Variants in KMT2C observed in about 807,000 individuals in gnomAD.
The protein encoded by KMT2C is histone-lysine N-methyltransferase 2C.
Under a neutral mutation model 507.9 loss-of-function variants are expected in KMT2C, and 88 were observed. The ratio of observed to expected loss-of-function variants is 0.17; its 90% CI spans 0.15 to 0.21. KMT2C has a LOEUF of 0.21. Ranked by LOEUF, KMT2C falls within the 10% of genes least tolerant of loss-of-function variation. The pLI, the probability that KMT2C is intolerant of heterozygous loss-of-function variation, is 1.00. For synonymous variants in KMT2C, 2,049 were observed against 2,080.8 expected, an observed-to-expected ratio of 0.98 and a Z score of 0.42; for missense variants, 4,954 against 5,957.8, an observed-to-expected ratio of 0.83 and a Z score of 5.55.
At position 152,178,971 on chromosome 7, in the gene KMT2C, G is replaced by A. The variant is rs548426422; in HGVS notation, c.7442+863C>T. Among the ~76,000 whole-genome samples the A allele has an allele frequency of 7.2e-5, 11 of 152,114 alleles. No homozygotes were observed. In the South Asian group the frequency reaches 1.7e-3, roughly 23 times the overall value. ...CCTAAAGGGAAAGTCCTTTCAGTTC[G>A]GAAATCTCTAAAATTTATTATTATT... On this transcript the variant is annotated intron_variant, in intron 37 of 58. Transcript: ENST00000262189.
At chr7:152,168,004 G>C (rs930313810) in intron 41 of KMT2C, among the ~76,000 whole-genome samples, 1 of 152,142 alleles carries the variant, frequency 6.6e-6, no homozygotes, top group Non-Finnish European at 1.5e-5. Context: ...AATAAGGGGA[G>C]GGAATAGTTA....
At chr7:152,236,013 C>T in intron 15 of KMT2C, 80 bp from the exon 16 acceptor site, 1 of 792,390 alleles carries the variant, frequency 1.3e-6, no homozygotes, top group Non-Finnish European at 2.1e-6. Flanking sequence ...TGAGATAAAA[C>T]ATTTTATTAA....
chr7:152,201,625 A>G lies in KMT2C; in HGVS notation c.4092+1309T>C, dbSNP rs1219156133. Reference sequence around the variant, plus strand: ...AAAACAACAACAAAGATGAAAAAAAAAAAAAAAAAAAAAAAAAAGGTAAGC... The same window carrying G: ...AAAACAACAACAAAGATGAAAAAAAGAAAAAAAAAAAAAAAAAAGGTAAGC... On this transcript the variant is annotated intron_variant, in intron 26 of 58. Transcript: ENST00000262189. Among the ~76,000 whole-genome samples, 203 of 131,988 alleles carry G rather than the reference A, an allele frequency of 1.5e-3. 1 individual carries two copies. Among genetic ancestry groups the G allele is most frequent in the African/African-American group, 6.5e-3 (198 of 30,568 alleles). The allele number at this position is 131,988 out of a possible 152,430, so 86.6% of individuals were successfully genotyped here.
intron 6 of KMT2C, among the ~76,000 whole-genome samples, chr7:152,295,331 G>C (rs1239675120): frequency 1.3e-5 from 2 of 152,076 alleles, no homozygotes; most frequent in Non-Finnish European, 2.9e-5. Context: ...TCCTCATCTT[G>C]GTATGCAAAG....
At chr7:152,304,718 T>A (rs2096599939) in intron 6 of KMT2C, among the ~76,000 whole-genome samples, 1 of 152,076 alleles carries the variant, frequency 6.6e-6, no homozygotes, top group South Asian at 2.1e-4. Flanking sequence ...CATTTTTTAT[T>A]TTAATAGAGA....
intron 7 of KMT2C, among the ~76,000 whole-genome samples, chr7:152,270,132 T>C (rs1012876549): frequency 6.6e-6 from 1 of 152,208 alleles, no homozygotes; most frequent in African/African-American, 2.4e-5. Flanking sequence ...GGCAGGACAC[T>C]GTGCTGAGTG....
At chr7:152,284,128 C>T (rs1237310120) in intron 6 of KMT2C, among the ~76,000 whole-genome samples, 2 of 152,114 alleles carry the variant, frequency 1.3e-5, no homozygotes, top group South Asian at 2.1e-4. Context: ...AAATATACAA[C>T]TATAGCTTAG....
At chr7:152,294,869 G>A (rs183199622) in intron 6 of KMT2C, among the ~76,000 whole-genome samples, 1 of 152,064 alleles carries the variant, frequency 6.6e-6, no homozygotes, top group East Asian at 1.9e-4. Context: ...CTTCCTCAGA[G>A]CATTGACCAA....
chr7:152,300,192 T>C (rs959756000), intron 6 of KMT2C, among the ~76,000 whole-genome samples: 28 of 152,234 alleles, frequency 1.8e-4, no homozygotes, highest in Admixed American at 2.0e-4. Flanking sequence ...TATAAAACTC[T>C]ATGCAAACAA....
At chr7:152,211,454 A>C (rs1305558305) in intron 23 of KMT2C, among the ~76,000 whole-genome samples, 1 of 152,236 alleles carries the variant, frequency 6.6e-6, no homozygotes, top group African/African-American at 2.4e-5. Context: ...GATGATCTCC[A>C]GGATGATGAA....
intron 13 of KMT2C, among the ~76,000 whole-genome samples, chr7:152,249,542 A>G (rs2095528991): frequency 6.6e-6 from 1 of 151,454 alleles, no homozygotes; most frequent in Non-Finnish European, 1.5e-5. Flanking sequence ...AGGCCTATAC[A>G]TGTTCTGATA....
At chr7:152,426,400 G>A (rs1171736954) in intron 1 of KMT2C, among the ~76,000 whole-genome samples, 1 of 151,812 alleles carries the variant, frequency 6.6e-6, no homozygotes, top group Non-Finnish European at 1.5e-5. Flanking sequence ...ACCGCATCCA[G>A]CTATTTTTAA....
At position 152,195,758 on chromosome 7, in the gene KMT2C, G is replaced by T. The variant is rs73481033; in HGVS notation, c.4378+149C>A. ...CTCCTAAAGCAGGAAAGCTGAGGCA[G>T]ATCAAAGAAAATGCTGAGTCCTTTA... On this transcript the variant is annotated intron_variant, in intron 28 of 58. Transcript: ENST00000262189. The T allele has an allele frequency of 2.9e-3, 1,483 of 504,036 alleles. 20 individuals are homozygous for T. Among genetic ancestry groups the T allele is most frequent in the African/African-American group, 0.027 (1,352 of 50,192 alleles). The allele number at this position is 504,036 out of a possible 1,614,324, so 31.2% of individuals were successfully genotyped here. A position where few individuals can be genotyped will look rare whatever the true frequency, so the allele number is the denominator to read the frequency against.
At chr7:152,320,853 T>C (rs953900094) in intron 3 of KMT2C, among the ~76,000 whole-genome samples, 11 of 152,048 alleles carry the variant, frequency 7.2e-5, no homozygotes, top group African/African-American at 2.7e-4. Flanking sequence ...AAAGAATACA[T>C]GATACATAGC....
chr7:152,154,557 C>A (rs2091902759), intron 46 of KMT2C, 112 bp from the exon 47 acceptor site: 1 of 816,586 alleles, frequency 1.2e-6, no homozygotes, highest in Non-Finnish European at 1.9e-6. Flanking sequence ...CTGGGCAGCA[C>A]CTATACGATG....
intron 33 of KMT2C, among the ~76,000 whole-genome samples, chr7:152,186,434 G>C (rs1464917319): frequency 1.3e-5 from 2 of 152,200 alleles, no homozygotes; most frequent in Non-Finnish European, 2.9e-5. Context: ...ATGGGATACT[G>C]CCTTCACAGG....
At chr7:152,233,755 C>A (rs2095194318) in intron 16 of KMT2C, among the ~76,000 whole-genome samples, 1 of 152,022 alleles carries the variant, frequency 6.6e-6, no homozygotes, top group Non-Finnish European at 1.5e-5. Flanking sequence ...TCAAGATAGA[C>A]AAAATGAACA....
At chr7:152,212,940 G>A (rs2094487846) in intron 23 of KMT2C, among the ~76,000 whole-genome samples, 1 of 152,254 alleles carries the variant, frequency 6.6e-6, no homozygotes, top group South Asian at 2.1e-4. Flanking sequence ...AGCTACTTGG[G>A]GGGCTGAGGC....
Position 152,140,383 on chromosome 7 carries a change from G to T in KMT2C, c.14344-592C>A, listed in dbSNP as rs192750264. Among the ~76,000 whole-genome samples, 153 of 152,324 alleles carry T rather than the reference G, an allele frequency of 1.0e-3. 1 individual carries two copies. The highest frequency in any genetic ancestry group is 3.3e-3 in the African/African-American group (138 of 41,576). ...CACTAATACAAAATTCTGAGGCTGG[G>T]AAAGAAGTTTGAACGGGCTGAAATG... On this transcript the variant is annotated intron_variant, in intron 55 of 58. Coordinates refer to ENST00000262189, the MANE Select transcript of KMT2C (RefSeq NM_170606.3).
Sources: allele counts gnomAD v4.1 joint callset (sites outside exome capture counted in the v4.1 genomes callset), GRCh38; gene constraint gnomAD v4.1.1; transcripts MANE v1.5; gene names NCBI Gene and HGNC (gene_info 2026-07-23, HGNC 2026-07-21).